Variants in FHIT observed in about 807,000 individuals in gnomAD.
FHIT encodes fragile histidine triad diadenosine triphosphatase, also known as bis(5'-adenosyl)-triphosphatase.
Under a neutral mutation model 17.9 loss-of-function variants are expected in FHIT, and 19 were observed. That is an observed-to-expected ratio of 1.06 (90% CI 0.74 to 1.56). The LOEUF (loss-of-function observed/expected upper bound fraction) is 1.56, where lower values mean the gene tolerates loss of function less well. Ranked by LOEUF, FHIT falls within the 40% of genes most tolerant of loss-of-function variation. The pLI is 0.00. For synonymous variants in FHIT, 81 were observed against 69.7 expected (o/e 1.16, Z -0.81); for missense variants, 248 against 189.2 (o/e 1.31, Z -1.82).
chr3:60,732,313 C>T (rs963370963), intron 4 of FHIT: 2 of 946,098 alleles, frequency 2.1e-6, no homozygotes, highest in Non-Finnish European at 3.4e-6. Flanking sequence ...AACTGGGAAC[C>T]ATTTGTGTTG....
chr3:59,764,882 AC>A, intron 8 of FHIT, among the ~76,000 whole-genome samples: 1 of 20,932 alleles, frequency 4.8e-5, no homozygotes, highest in African/African-American at 1.1e-4. Context: ...ACACACACAC[AC>A]ACACACACAC....
At chr3:60,583,019 T>C (rs2037795846) in intron 4 of FHIT, among the ~76,000 whole-genome samples, 1 of 151,668 alleles carries the variant, frequency 6.6e-6, no homozygotes, top group African/African-American at 2.4e-5. Flanking sequence ...ACTGCTTGAG[T>C]GAGAAGCAAC....
intron 7 of FHIT, among the ~76,000 whole-genome samples, chr3:59,980,146 A>G (rs1212491259): frequency 6.6e-6 from 1 of 152,154 alleles, no homozygotes; most frequent in African/African-American, 2.4e-5. Context: ...GTTTGACACT[A>G]TCTAAAGAAA....
chr3:60,815,615 T>C (rs1382034248), intron 4 of FHIT, among the ~76,000 whole-genome samples: 1 of 152,166 alleles, frequency 6.6e-6, no homozygotes, highest in African/African-American at 2.4e-5. Context: ...ACCAGTACTA[T>C]ACTGGTTTGG....
intron 4 of FHIT, among the ~76,000 whole-genome samples, chr3:60,779,980 A>G (rs1700332239): frequency 6.6e-6 from 1 of 152,196 alleles, no homozygotes; most frequent in Middle Eastern, 3.2e-3. Flanking sequence ...CCCCTGCTTC[A>G]TGGGTGCAAG....
intron 5 of FHIT, among the ~76,000 whole-genome samples, chr3:60,415,109 G>A (rs1223061526): frequency 6.6e-6 from 1 of 152,138 alleles, no homozygotes; most frequent in Non-Finnish European, 1.5e-5. Flanking sequence ...AAGGACCACA[G>A]TTTGAGAAAT....
At chr3:60,323,408 C>A (rs566483798) in intron 5 of FHIT, among the ~76,000 whole-genome samples, 5 of 152,286 alleles carry the variant, frequency 3.3e-5, no homozygotes, top group Admixed American at 3.3e-4. Context: ...GAGGATGAGA[C>A]ACTTTCCACA....
At chr3:60,861,419 T>C (rs1200838724) in intron 3 of FHIT, among the ~76,000 whole-genome samples, 1 of 150,986 alleles carries the variant, frequency 6.6e-6, no homozygotes, top group African/African-American at 2.4e-5. Flanking sequence ...CTATGCATTG[T>C]AGGGTGTTGA....
Position 60,732,386 on chromosome 3 carries a change from A to G in FHIT, c.-18+89533T>C, listed in dbSNP as rs1293045195. 3.4e-4 allele frequency: 270 copies of G among 792,404 alleles called. 4 individuals carry two copies. Among genetic ancestry groups the G allele is most frequent in the Non-Finnish European group, 2.5e-5 (11 of 438,540 alleles). 49.1% of individuals were successfully genotyped at this position (792,404 alleles called of 1,614,324 possible). On this transcript the variant is annotated intron_variant, in intron 4 of 9. Coordinates refer to ENST00000492590, the MANE Select transcript of FHIT (RefSeq NM_002012.4). ...TATGCTTCAGGATGAAGTTCTCCTC[A>G]TCAAATTTCTACCTGTAGATGGACT...
chr3:60,069,617 T>A (rs1289088057), intron 5 of FHIT, among the ~76,000 whole-genome samples: 1 of 152,202 alleles, frequency 6.6e-6, no homozygotes, highest in Non-Finnish European at 1.5e-5. Flanking sequence ...AGTAAATAAT[T>A]CAACTAACTA....
intron 3 of FHIT, among the ~76,000 whole-genome samples, chr3:60,979,404 C>A (rs1575787745): frequency 6.6e-6 from 1 of 152,132 alleles, no homozygotes; most frequent in African/African-American, 2.4e-5. Flanking sequence ...GCAGACTGAA[C>A]AAAGCGCTCA....
intron 8 of FHIT, among the ~76,000 whole-genome samples, chr3:59,875,607 T>A (rs1703117275): frequency 6.6e-6 from 1 of 151,868 alleles, no homozygotes; most frequent in Non-Finnish European, 1.5e-5. Context: ...TGCTTACAAG[T>A]TTTTTTTTAT....
At chr3:60,125,008 T>C (rs1467558621) in intron 5 of FHIT, among the ~76,000 whole-genome samples, 1 of 152,198 alleles carries the variant, frequency 6.6e-6, no homozygotes, top group African/African-American at 2.4e-5. Context: ...CTCACGCATG[T>C]CTCTTACAGA....
chr3:59,880,898 G>C (rs936089242), intron 8 of FHIT, among the ~76,000 whole-genome samples: 1 of 152,162 alleles, frequency 6.6e-6, no homozygotes, highest in African/African-American at 2.4e-5. Flanking sequence ...TACATGGAAT[G>C]AATGGGTATT....
At chr3:60,645,039 A>G (rs1663237495) in intron 4 of FHIT, among the ~76,000 whole-genome samples, 2 of 152,108 alleles carry the variant, frequency 1.3e-5, no homozygotes, top group African/African-American at 4.8e-5. Context: ...TTTCTCAAAC[A>G]GCTCACTAGA....
chr3:60,216,731 T>C (rs918286268), intron 5 of FHIT, among the ~76,000 whole-genome samples: 5 of 152,196 alleles, frequency 3.3e-5, no homozygotes, highest in Non-Finnish European at 7.3e-5. Flanking sequence ...TTAAATGTCT[T>C]AGGCTATCAC....
chr3:60,119,617 G>A (rs781667249), intron 5 of FHIT, among the ~76,000 whole-genome samples: 9 of 152,068 alleles, frequency 5.9e-5, no homozygotes, highest in South Asian at 2.1e-4. Flanking sequence ...TACTGTCATC[G>A]TGTCGGGTAA....
intron 4 of FHIT, among the ~76,000 whole-genome samples, chr3:60,541,781 T>G (rs2036194699): frequency 6.6e-6 from 1 of 152,184 alleles, no homozygotes; most frequent in African/African-American, 2.4e-5. Flanking sequence ...GACCCATACC[T>G]GATGACACTG....
At chr3:59,935,472 G>A (rs1245874102) in intron 7 of FHIT, among the ~76,000 whole-genome samples, 1 of 152,068 alleles carries the variant, frequency 6.6e-6, no homozygotes, top group African/African-American at 2.4e-5. Flanking sequence ...ATATGTCCAT[G>A]ACAGCTTTTT....
Sources: allele counts gnomAD v4.1 joint callset (sites outside exome capture counted in the v4.1 genomes callset), GRCh38; gene constraint gnomAD v4.1.1; transcripts MANE v1.5; gene names NCBI Gene and HGNC (gene_info 2026-07-23, HGNC 2026-07-21).